Variants in FBXW10B observed in about 807,000 individuals in gnomAD.
FBXW10B encodes F-box and WD repeat domain containing protein 10B.
chr17:15,611,546 C>T, the FBXW10B span, among the ~76,000 whole-genome samples: 1 of 152,284 alleles, frequency 6.6e-6, no homozygotes, highest in South Asian at 2.1e-4. Context: ...CAGTCCATGA[C>T]AGCCACACCG....
At chr17:15,566,727 AT>A in the FBXW10B span, among the ~76,000 whole-genome samples, 2,649 of 151,430 alleles carry the variant, frequency 0.017, 63 homozygotes, top group African/African-American at 0.061. Flanking sequence ...TGCCCGGCTA[AT>A]TTTTTGTATT....
chr17:15,594,729 G>A, the FBXW10B span: 24 of 1,612,930 alleles, frequency 1.5e-5, no homozygotes, highest in East Asian at 1.3e-4. Context: ...TCATCGCTCC[G>A]GGCTTCACAG....
chr17:15,596,697 TG>T, the FBXW10B span: 17 of 1,597,842 alleles, frequency 1.1e-5, no homozygotes, highest in South Asian at 1.9e-4. Flanking sequence ...GACATGGGAG[TG>T]GGGAAAAAGG....
the FBXW10B span, among the ~76,000 whole-genome samples, chr17:15,584,176 A>G: frequency 6.6e-6 from 1 of 152,220 alleles, no homozygotes; most frequent in African/African-American, 2.4e-5. Flanking sequence ...ACGCTTTTTG[A>G]TTTTTAAAAA....
At chr17:15,598,563 G>A in the FBXW10B span, 2 of 1,613,450 alleles carry the variant, frequency 1.2e-6, no homozygotes, top group South Asian at 1.1e-5. Context: ...CTCCAGATAC[G>A]AGCCTGTTCT....
At chr17:15,595,110 G>A in the FBXW10B span, among the ~76,000 whole-genome samples, 2 of 152,266 alleles carry the variant, frequency 1.3e-5, no homozygotes, top group Non-Finnish European at 2.9e-5. Flanking sequence ...GGGAGGCCGA[G>A]GCGGGCGGAT....
At chr17:15,599,424 A>C in the FBXW10B span, among the ~76,000 whole-genome samples, 1 of 132,224 alleles carries the variant, frequency 7.6e-6, no homozygotes, top group Non-Finnish European at 1.6e-5. Flanking sequence ...CCAGCCCCAG[A>C]TGGCAATAGT....
the FBXW10B span, among the ~76,000 whole-genome samples, chr17:15,607,016 A>G: frequency 6.6e-6 from 1 of 152,100 alleles, no homozygotes; most frequent in African/African-American, 2.4e-5. Flanking sequence ...CAGAGTATGC[A>G]ATTATAAATA....
the FBXW10B span, among the ~76,000 whole-genome samples, chr17:15,609,449 G>T: frequency 2.0e-5 from 3 of 152,046 alleles, no homozygotes; most frequent in African/African-American, 4.8e-5. Context: ...ACCCAGGTGA[G>T]AATTCATTGG....
At chr17:15,610,675 C>G in the FBXW10B span, among the ~76,000 whole-genome samples, 6 of 152,242 alleles carry the variant, frequency 3.9e-5, no homozygotes, top group South Asian at 1.2e-3. Context: ...AGAAAGGGAC[C>G]TGGAACTTAA....
At chr17:15,589,685 C>G in the FBXW10B span, among the ~76,000 whole-genome samples, 1 of 152,160 alleles carries the variant, frequency 6.6e-6, no homozygotes, top group Non-Finnish European at 1.5e-5. Flanking sequence ...GGAAGTTTCA[C>G]AGTCTAATTA....
At chr17:15,593,362 G>A in the FBXW10B span, 1 of 1,614,126 alleles carries the variant, frequency 6.2e-7, no homozygotes, top group Non-Finnish European at 8.5e-7. Flanking sequence ...AAGAAGGACA[G>A]CACAGGATCG....
chr17:15,599,374 T>G, the FBXW10B span, among the ~76,000 whole-genome samples: 2 of 132,522 alleles, frequency 1.5e-5, no homozygotes, highest in Non-Finnish European at 3.1e-5. Context: ...CTGCTAAACA[T>G]CCTACATTGC....
At chr17:15,601,341 G>T in the FBXW10B span, among the ~76,000 whole-genome samples, 3 of 148,656 alleles carry the variant, frequency 2.0e-5, no homozygotes, top group Admixed American at 6.7e-5. Context: ...CCCAGGAGGC[G>T]GAGCTGGCAG....
the FBXW10B span, among the ~76,000 whole-genome samples, chr17:15,585,079 G>GAAA: frequency 1.4e-5 from 2 of 145,868 alleles, no homozygotes; most frequent in South Asian, 2.1e-4. Flanking sequence ...GTCTCATAGG[G>GAAA]AAAAAAAAAA....
At chr17:15,592,055 C>T in the FBXW10B span, among the ~76,000 whole-genome samples, 8 of 152,158 alleles carry the variant, frequency 5.3e-5, no homozygotes, top group Non-Finnish European at 8.8e-5. Flanking sequence ...TGTGCTCTTC[C>T]CTTAACTATA....
At chr17:15,598,092 A>G in the FBXW10B span, among the ~76,000 whole-genome samples, 1 of 151,988 alleles carries the variant, frequency 6.6e-6, no homozygotes, top group Non-Finnish European at 1.5e-5. Flanking sequence ...AAAATTATCA[A>G]TGGGGCTCTA....
the FBXW10B span, among the ~76,000 whole-genome samples, chr17:15,600,985 AGGTT>A: frequency 7.9e-6 from 1 of 126,388 alleles, no homozygotes; most frequent in African/African-American, 3.0e-5. Flanking sequence ...AGGGAGTCGG[AGGTT>A]ACAGTGAGCC....
the FBXW10B span, among the ~76,000 whole-genome samples, chr17:15,578,124 G>GCACA: frequency 6.6e-6 from 1 of 152,096 alleles, no homozygotes; most frequent in African/African-American, 2.4e-5. Context: ...GGAGCTAGAT[G>GCACA]CACAGTTAAT....
Sources: gnomAD v4.1 joint callset for allele counts (sites outside exome capture counted in the v4.1 genomes callset) on GRCh38, gnomAD v4.1.1 for gene constraint, MANE v1.5 for transcripts, NCBI Gene and HGNC (gene_info 2026-07-23, HGNC 2026-07-21) for gene names.